The following RNF10 variants were observed in gnomAD, a reference collection of about 807,000 sequenced individuals.
RNF10 encodes E3 ubiquitin-protein ligase RNF10.
RNF10 carries 38 observed loss-of-function variants against 91.4 expected under a neutral mutation model. The ratio of observed to expected loss-of-function variants is 0.42; its 90% CI spans 0.32 to 0.54. The LOEUF is 0.54. Among genes scored for constraint, RNF10 ranks in the 20% least tolerant of loss-of-function variants. The pLI, the probability that RNF10 is intolerant of heterozygous loss-of-function variation, is 0.16. For missense variants in RNF10, 945 were observed against 1,012.0 expected (o/e 0.93, Z 0.90); for synonymous variants, 364 against 366.3 (o/e 0.99, Z 0.07).
intron 13 of RNF10, among the ~76,000 whole-genome samples, chr12:120,570,586 A>C (rs1387133324): frequency 6.6e-6 from 1 of 152,262 alleles, no homozygotes; most frequent in East Asian, 1.9e-4. Context: ...GGGGGAGAGA[A>C]TAGGGCCCCT....
At chr12:120,553,683 G>A (rs571937986) in intron 3 of RNF10, among the ~76,000 whole-genome samples, 11 of 152,086 alleles carry the variant, frequency 7.2e-5, no homozygotes, top group East Asian at 1.9e-4. Flanking sequence ...GATTACAGGC[G>A]TGAGCCACGG....
intron 8 of RNF10, 91 bp downstream of exon 8, chr12:120,563,161 G>C: frequency 1.3e-6 from 2 of 1,569,036 alleles, no homozygotes; most frequent in Non-Finnish European, 1.8e-6. Context: ...ACCTTCTCAA[G>C]AGAAGAGGGG....
chr12:120,534,972 A>ATTAC lies in RNF10; in HGVS notation c.157+4_157+5insTTAC. 6.3e-7 allele frequency: 1 copy of ATTAC among 1,592,372 alleles called. No homozygotes were observed. The highest frequency in any genetic ancestry group is 8.5e-7 in the Non-Finnish European group (1 of 1,176,262). ...GGCGAGTCTAAACCCAAGAGCGGTA[A>ATTAC]GGACGGGCCTGCGGCAGTGGGCGGG... On this transcript the variant is annotated splice_donor_region_variant and intron_variant, in intron 1 of 16. Coordinates refer to ENST00000325954, the MANE Select transcript of RNF10 (RefSeq NM_014868.5).
At chr12:120,538,341 A>G (rs1871121892) in intron 1 of RNF10, among the ~76,000 whole-genome samples, 1 of 152,018 alleles carries the variant, frequency 6.6e-6, no homozygotes, top group South Asian at 2.1e-4. Flanking sequence ...CTACATGATT[A>G]ATTTCTTTGA....
At chr12:120,570,252 T>G (rs889150212) in intron 13 of RNF10, 3 of 146,690 alleles carry the variant, frequency 2.0e-5, no homozygotes, top group Admixed American at 1.4e-4. Flanking sequence ...AATGGCACGA[T>G]CTCGGTTCAC....
intron 1 of RNF10, among the ~76,000 whole-genome samples, chr12:120,545,886 A>G (rs189449859): frequency 7.8e-4 from 119 of 152,308 alleles, no homozygotes; most frequent in Middle Eastern, 3.4e-3. Flanking sequence ...TCAATTTAAC[A>G]GCTTCTGAAT....
intron 1 of RNF10, among the ~76,000 whole-genome samples, chr12:120,540,828 C>G (rs918985837): frequency 6.7e-6 from 1 of 150,062 alleles, no homozygotes; most frequent in Admixed American, 6.7e-5. Flanking sequence ...TGAAGACAGC[C>G]TTCTTGCTGA....
chr12:120,534,705 C>A lies in RNF10; in HGVS notation c.-107C>A. The A allele has an allele frequency of 7.1e-7, 1 of 1,401,936 alleles. No homozygotes were observed. Among genetic ancestry groups the A allele is most frequent in the South Asian group, 1.6e-5 (1 of 63,578 alleles). The allele number at this position is 1,401,936 out of a possible 1,614,324, so 86.8% of individuals were successfully genotyped here. A position where few individuals can be genotyped will look rare whatever the true frequency, so the allele number is the denominator to read the frequency against. On this transcript the variant is annotated 5_prime_UTR_variant, in exon 1 of 17. Transcript: ENST00000325954. ...CAGGGAAAAATGTCGCCATGAAGGC[C>A]GAGAACCGCTGCCGCCGCCGACCCC...
At chr12:120,551,495 C>T (rs1873086283) in intron 2 of RNF10, among the ~76,000 whole-genome samples, 1 of 151,316 alleles carries the variant, frequency 6.6e-6, no homozygotes, top group South Asian at 2.1e-4. Context: ...GATGGGGTTT[C>T]ACCATATTGC....
chr12:120,537,732 C>T (rs139711502), intron 1 of RNF10, among the ~76,000 whole-genome samples: 39 of 152,180 alleles, frequency 2.6e-4, no homozygotes, highest in Admixed American at 9.2e-4. Flanking sequence ...TGTTTGCCAC[C>T]GCCAGTGTCT....
At chr12:120,569,501 G>C (rs1389783504) in intron 13 of RNF10, among the ~76,000 whole-genome samples, 1 of 145,472 alleles carries the variant, frequency 6.9e-6, no homozygotes, top group Non-Finnish European at 1.5e-5. Flanking sequence ...ACGAAGGACT[G>C]TGGCAGATCA....
intron 1 of RNF10, chr12:120,539,254 A>G (rs958057125): frequency 2.3e-6 from 1 of 436,278 alleles, no homozygotes; most frequent in Non-Finnish European, 4.3e-6. Flanking sequence ...GTAAATTTTT[A>G]TGAAGTCCTA....
intron 10 of RNF10, among the ~76,000 whole-genome samples, chr12:120,564,557 C>G (rs897812856): frequency 1.3e-5 from 2 of 152,072 alleles, no homozygotes; most frequent in Admixed American, 6.6e-5. Flanking sequence ...CTGGGGAGAT[C>G]AAGTCTGCAG....
chr12:120,542,237 C>T (rs750519209), intron 1 of RNF10, among the ~76,000 whole-genome samples: 10 of 152,092 alleles, frequency 6.6e-5, no homozygotes, highest in Non-Finnish European at 1.5e-4. Flanking sequence ...CATAGCACAC[C>T]GCAGCCTCAA....
chr12:120,547,848 G>A (rs1391950532), intron 2 of RNF10, among the ~76,000 whole-genome samples: 1 of 152,216 alleles, frequency 6.6e-6, no homozygotes, highest in African/African-American at 2.4e-5. Flanking sequence ...ACCTGATGCG[G>A]AGTTTTAAAG....
In RNF10 at chr12:120,576,708, TTG is replaced by T. The variant is rs1337257412; in HGVS notation, c.*44_*45del. On this transcript the variant is annotated 3_prime_UTR_variant, in exon 17 of 17. Coordinates refer to ENST00000325954, the MANE Select transcript of RNF10 (RefSeq NM_014868.5). The stretch of plus-strand genomic sequence containing the variant: ...TACCTTCTCCATCTGGTTTTTGTTT[TTG>T]TTTTTTTTTCCCCCATGCTTTTGTT... The T allele has an allele frequency of 3.8e-6, 6 of 1,591,236 alleles. No individual in the cohort carries two copies. Among genetic ancestry groups the T allele is most frequent in the Non-Finnish European group, 5.1e-6 (6 of 1,173,682 alleles).
chr12:120,543,269 G>T (rs1871829440), intron 1 of RNF10, among the ~76,000 whole-genome samples: 1 of 152,152 alleles, frequency 6.6e-6, no homozygotes. Context: ...GAATCTTAGA[G>T]GGTGAGGCCT....
chr12:120,559,235 G>A (rs1164719424), intron 6 of RNF10, among the ~76,000 whole-genome samples: 1 of 135,850 alleles, frequency 7.4e-6, no homozygotes, highest in Non-Finnish European at 1.5e-5. Context: ...AGGCTGGAGT[G>A]CAATGGTGTG....
rs1877333231 is a variant in RNF10, at chr12:120,575,956, G to A, written c.2359+6G>A. On this transcript the variant is annotated splice_donor_region_variant and intron_variant, in intron 16 of 16. Transcript: ENST00000325954. ...TACTTCAGATCCCCTCTCTGGTAAGGGCAGAGGCTGGAGTGCCCAGGGTTG... is the reference window on the plus strand; with the variant it reads ...TACTTCAGATCCCCTCTCTGGTAAGAGCAGAGGCTGGAGTGCCCAGGGTTG... 6.2e-7 allele frequency: 1 copy of A among 1,613,058 alleles called. No homozygotes were observed. The highest frequency in any genetic ancestry group is 1.7e-5 in the Admixed American group (1 of 59,992).
Sources: allele counts gnomAD v4.1 joint callset (sites outside exome capture counted in the v4.1 genomes callset), GRCh38; gene constraint gnomAD v4.1.1; transcripts MANE v1.5; gene names NCBI Gene and HGNC (gene_info 2026-07-23, HGNC 2026-07-21).